Variants in OPRM1 observed in about 807,000 individuals in gnomAD.
OPRM1 encodes the protein mu-type opioid receptor.
A neutral mutation model predicts 31.8 loss-of-function variants in OPRM1; 27 were observed. That is an observed-to-expected ratio of 0.85 (90% CI 0.63 to 1.17). The LOEUF is 1.17. Among genes scored for constraint, OPRM1 ranks in the 50% most tolerant of loss-of-function variants. OPRM1 has a pLI of 0.00. For missense variants in OPRM1, 536 were observed against 511.1 expected, an observed-to-expected ratio of 1.05 and a Z score of -0.47; for synonymous variants, 196 against 189.9, an observed-to-expected ratio of 1.03 and a Z score of -0.26.
intron 3 of OPRM1, among the ~76,000 whole-genome samples, chr6:154,110,823 C>T (rs1016081085): frequency 1.5e-5 from 2 of 135,580 alleles, no homozygotes; most frequent in African/African-American, 2.7e-5. Context: ...TGAGGCGGAG[C>T]TTGCAGTGAG....
chr6:154,199,774 A>G lies in OPRM1; in HGVS notation c.1165-46919A>G, dbSNP rs763385011. ...CACTAGATAAAGAGTTCAAAAATCC[A>G]CTTTCTGATGTGACAAAACTGTTTT... On this transcript the variant is annotated intron_variant, in intron 3 of 3. Coordinates refer to the OPRM1 transcript ENST00000337049. 1.1e-5 allele frequency: 18 copies of G among 1,614,232 alleles called. No individual in the cohort carries two copies. In the East Asian group the frequency reaches 4.0e-4, roughly 36 times the overall value.
chr6:154,116,886 T>C (rs1406238768), intron 3 of OPRM1, among the ~76,000 whole-genome samples: 1 of 152,338 alleles, frequency 6.6e-6, no homozygotes, highest in East Asian at 1.9e-4. Context: ...TCTCTCCCCT[T>C]GGATCTGCAT....
intron 1 of OPRM1, chr6:154,073,606 G>A (rs1233820487): frequency 6.6e-6 from 1 of 152,296 alleles, no homozygotes; most frequent in African/African-American, 2.4e-5. Context: ...CACTGTTGAA[G>A]AGTGACTGCA....
rs1797446107 is a variant in OPRM1, at chr6:154,123,991, G to A, written c.*5270G>A. ...ACCTCCTGGGAATGCAGCCCAGTAG[G>A]TCTCAGCCTTATTTTACCCAGCCTC... On this transcript the variant is annotated 3_prime_UTR_variant, in exon 4 of 4. Coordinates refer to ENST00000330432, the MANE Select transcript of OPRM1 (RefSeq NM_000914.5). 1.3e-5 allele frequency among the ~76,000 whole-genome samples: 2 copies of A among 152,152 alleles called. No homozygotes were observed. The highest frequency in any genetic ancestry group is 4.8e-5 in the African/African-American group (2 of 41,424).
Position 154,126,850 on chromosome 6 carries a change from G to A in OPRM1, c.*8129G>A, listed in dbSNP as rs1415446920. Among the ~76,000 whole-genome samples, 6 of 152,234 alleles carry A rather than the reference G, an allele frequency of 3.9e-5. No homozygotes were observed. The highest frequency in any genetic ancestry group is 2.1e-4 in the South Asian group (1 of 4,826). ...GTGCCTGCTGGGCGCGGTGGCTCAC[G>A]CCTGTAATTCCAGCACTTTGGGAGG... On this transcript the variant is annotated 3_prime_UTR_variant, in exon 4 of 4. Transcript: ENST00000330432.
At chr6:154,085,363 T>C (rs1790285240) in intron 1 of OPRM1, among the ~76,000 whole-genome samples, 1 of 152,234 alleles carries the variant, frequency 6.6e-6, no homozygotes, top group Non-Finnish European at 1.5e-5. Context: ...CAAACATCGA[T>C]GGTTCTCAGA....
At chr6:154,169,137 G>A (rs946844430) in intron 3 of OPRM1, among the ~76,000 whole-genome samples, 1 of 151,964 alleles carries the variant, frequency 6.6e-6, no homozygotes, top group Admixed American at 6.6e-5. Flanking sequence ...AAGGCAGGAG[G>A]ATCGCCTGAG....
chr6:154,167,895 C>A, intron 3 of OPRM1: 1 of 1,538,986 alleles, frequency 6.5e-7, no homozygotes, highest in South Asian at 1.2e-5. Context: ...CCATAGAGTT[C>A]ATCCACAATT....
intron 3 of OPRM1, among the ~76,000 whole-genome samples, chr6:154,195,143 C>CTTTTT (rs1162086187): frequency 1.8e-4 from 24 of 133,536 alleles, no homozygotes; most frequent in African/African-American, 5.6e-4. Flanking sequence ...TTTTTCTTTT[C>CTTTTT]TTTCTTTTTT....
intron 1 of OPRM1, among the ~76,000 whole-genome samples, chr6:154,027,284 C>CTTGT (rs111711727): frequency 0.21 from 32,268 of 151,628 alleles, 3,623 homozygotes; most frequent in Admixed American, 0.28. Context: ...TCTTGTGTTT[C>CTTGT]TTGTTTGTTT....
At chr6:154,172,489 C>T (rs528800893) in intron 3 of OPRM1, among the ~76,000 whole-genome samples, 1 of 152,354 alleles carries the variant, frequency 6.6e-6, no homozygotes, top group Non-Finnish European at 1.5e-5. Flanking sequence ...GAGATTCCCT[C>T]CCATGCCTGG....
chr6:154,040,292 A>T (rs973059388), intron 1 of OPRM1, among the ~76,000 whole-genome samples: 1 of 150,304 alleles, frequency 6.7e-6, no homozygotes, highest in African/African-American at 2.4e-5. Flanking sequence ...TGGCGGGGGG[A>T]GCAGTCTCAA....
chr6:154,065,150 AT>A (rs564465420), intron 1 of OPRM1, among the ~76,000 whole-genome samples: 2,062 of 133,660 alleles, frequency 0.015, 40 homozygotes, highest in African/African-American at 0.047. Context: ...GTCTTCTTTA[AT>A]TTTTTTTTTT....
chr6:154,149,158 A>G (rs2128540778), intron 3 of OPRM1, among the ~76,000 whole-genome samples: 1 of 152,268 alleles, frequency 6.6e-6, no homozygotes, highest in Non-Finnish European at 1.5e-5. Flanking sequence ...AAGAGGATTG[A>G]TTGACTCACA....
intron 3 of OPRM1, among the ~76,000 whole-genome samples, chr6:154,096,612 G>C (rs1793435148): frequency 6.6e-6 from 1 of 152,086 alleles, no homozygotes; most frequent in African/African-American, 2.4e-5. Flanking sequence ...ATTCAAAAGT[G>C]CTTTTATGGG....
intron 2 of OPRM1, 126 bp from the exon 3 acceptor site, chr6:154,090,826 A>G (rs1791950421): frequency 1.3e-6 from 1 of 788,552 alleles, no homozygotes; most frequent in Admixed American, 2.8e-5. Flanking sequence ...TTCTTCCACA[A>G]TTTCTTTATA....
At chr6:154,064,881 G>C (rs1785068833) in intron 1 of OPRM1, among the ~76,000 whole-genome samples, 1 of 152,064 alleles carries the variant, frequency 6.6e-6, no homozygotes, top group South Asian at 2.1e-4. Flanking sequence ...ATGCTGTTTT[G>C]ATTACCATTA....
intron 1 of OPRM1, among the ~76,000 whole-genome samples, chr6:154,067,968 A>G (rs1785810820): frequency 6.6e-6 from 1 of 152,156 alleles, no homozygotes; most frequent in African/African-American, 2.4e-5. Context: ...ATAATTGTCA[A>G]TGTATTTACC....
At chr6:154,151,079 C>T (rs1162970906) in intron 3 of OPRM1, among the ~76,000 whole-genome samples, 2 of 152,202 alleles carry the variant, frequency 1.3e-5, no homozygotes, top group African/African-American at 4.8e-5. Flanking sequence ...TCTCAGCAAC[C>T]ACAGACCACA....
Sources: gnomAD v4.1 joint callset for allele counts (sites outside exome capture counted in the v4.1 genomes callset) on GRCh38, gnomAD v4.1.1 for gene constraint, MANE v1.5 for transcripts, NCBI Gene and HGNC (gene_info 2026-07-23, HGNC 2026-07-21) for gene names.